Variants in SLC5A8 observed in about 807,000 individuals in gnomAD.
SLC5A8 encodes solute carrier family 5 member 8.
SLC5A8 carries 55 observed loss-of-function variants against 71.9 expected under a neutral mutation model. The ratio of observed to expected loss-of-function variants is 0.77; its 90% confidence interval spans 0.62 to 0.96. The LOEUF (loss-of-function observed/expected upper bound fraction) is 0.96, where lower values mean the gene tolerates loss of function less well. Among genes scored for constraint, SLC5A8 ranks in the 40% least tolerant of loss-of-function variants. SLC5A8 has a pLI of 0.00. For missense variants in SLC5A8, 701 were observed against 745.3 expected (o/e 0.94, Z 0.69); for synonymous variants, 307 against 276.1 (o/e 1.11, Z -1.11).
intron 3 of SLC5A8, among the ~76,000 whole-genome samples, chr12:101,195,689 T>C (rs1453346431): frequency 6.8e-6 from 1 of 146,818 alleles, no homozygotes; most frequent in East Asian, 2.0e-4. Context: ...AAGGTAATGG[T>C]AATTCCTTTT....
chr12:101,192,410 GTT>G (rs34203300), intron 5 of SLC5A8, among the ~76,000 whole-genome samples: 1 of 151,842 alleles, frequency 6.6e-6, no homozygotes, highest in Non-Finnish European at 1.5e-5. Flanking sequence ...TGCAAAATGG[GTT>G]TTTTTTTCTT....
At chr12:101,206,468 G>A (rs1208225654) in intron 1 of SLC5A8, among the ~76,000 whole-genome samples, 14 of 152,210 alleles carry the variant, frequency 9.2e-5, no homozygotes, top group Non-Finnish European at 1.8e-4. Context: ...AAGCAAGTAA[G>A]TTAATCAACT....
At chr12:101,170,182 C>T (rs2051815396) in intron 10 of SLC5A8, among the ~76,000 whole-genome samples, 1 of 152,188 alleles carries the variant, frequency 6.6e-6, no homozygotes, top group South Asian at 2.1e-4. Flanking sequence ...CTGTCCTCTC[C>T]AGGCCCACAG....
Position 101,209,856 on chromosome 12 carries a change from C to T in SLC5A8, c.-8G>A, listed in dbSNP as rs367753463. ...GCCCCGTGGCGTGTCCATGGCCGCA[C>T]GGTCGCCTGAGCCCTGCGCGCAAAC... On this transcript the variant is annotated 5_prime_UTR_variant, in exon 1 of 15. It adds an upstream start codon to the 5' untranslated region. Transcript: ENST00000536262. 1.2e-5 allele frequency: 19 copies of T among 1,528,388 alleles called. No individual in the cohort carries two copies. Among genetic ancestry groups the T allele is most frequent in the Admixed American group, 6.1e-5 (3 of 49,166 alleles). 94.7% of individuals were successfully genotyped at this position (1,528,388 alleles called of 1,614,324 possible).
chr12:101,204,762 A>C, intron 1 of SLC5A8, among the ~76,000 whole-genome samples, 197 bp from the exon 2 acceptor site: 1 of 152,166 alleles, frequency 6.6e-6, no homozygotes. Context: ...AATGGGTTTT[A>C]ACACACACTG....
Position 101,204,525 on chromosome 12 carries a change from C to T in SLC5A8, c.392G>A (p.Gly131Glu), listed in dbSNP as rs746742359. Residue 131 changes from glycine to glutamate, a missense_variant, in exon 2 of 15, where the codon GGA becomes GAA. Coordinates refer to ENST00000536262, the MANE Select transcript of SLC5A8 (RefSeq NM_145913.5). The part of the protein sequence containing the change: ...LRFNKCVRLC[G>E]TVLFIVQTIL... ...TGTTTGAACAATGAAGAGGACTGTT[C>T]CACAGAGACGAACACATTTGTTAAA... 2 of 1,599,838 alleles carry T rather than the reference C, an allele frequency of 1.3e-6. No individual in the cohort carries two copies. Among genetic ancestry groups the T allele is most frequent in the South Asian group, 2.3e-5 (2 of 86,482 alleles).
rs1007615805 is a variant in SLC5A8 at position 101,156,354 on chromosome 12, T to A, written c.*925A>T. 1 of 152,172 alleles carries A rather than the reference T, an allele frequency of 6.6e-6. No homozygotes were observed. Among genetic ancestry groups the A allele is most frequent in the African/African-American group, 2.4e-5 (1 of 41,454 alleles). 9.4% of individuals were successfully genotyped at this position (152,172 alleles called of 1,614,324 possible). ...TAATATTCTTGGATCATCAAGTCCATAAATACCTACATCAAGTATATGTTA... is the reference window on the plus strand; with the variant it reads ...TAATATTCTTGGATCATCAAGTCCAAAAATACCTACATCAAGTATATGTTA... On this transcript the variant is annotated 3_prime_UTR_variant, in exon 15 of 15. Transcript: ENST00000536262.
At chr12:101,181,820 T>C (rs1444821532) in intron 9 of SLC5A8, among the ~76,000 whole-genome samples, 2 of 152,210 alleles carry the variant, frequency 1.3e-5, no homozygotes, top group African/African-American at 4.8e-5. Flanking sequence ...AATAAAATGA[T>C]GCATTGCTAT....
chr12:101,160,801 A>C (rs1196736399), intron 13 of SLC5A8, among the ~76,000 whole-genome samples: 1 of 152,222 alleles, frequency 6.6e-6, no homozygotes, highest in African/African-American at 2.4e-5. Context: ...ACGGAGAGGA[A>C]AAATAAGAGA....
chr12:101,202,217 TAGG>T lies in SLC5A8; in HGVS notation c.418-5_418-3del. On this transcript the variant is annotated splice_polypyrimidine_tract_variant and splice_region_variant and intron_variant, in intron 2 of 14. Coordinates refer to ENST00000536262, the MANE Select transcript of SLC5A8 (RefSeq NM_145913.5). Reference sequence around the variant, plus strand: ...AATAACAATTCCAGTATACAGAATCTAGGGGGGAGAAAGAAAGCCAAATGAATT... The same window carrying T: ...AATAACAATTCCAGTATACAGAATCTGGGGAGAAAGAAAGCCAAATGAATT... The T allele has an allele frequency of 6.4e-7, 1 of 1,572,342 alleles. No homozygotes were observed. The highest frequency in any genetic ancestry group is 1.2e-5 in the South Asian group (1 of 85,666).
chr12:101,179,099 A>G (rs1329991651), intron 10 of SLC5A8, among the ~76,000 whole-genome samples: 1 of 152,208 alleles, frequency 6.6e-6, no homozygotes, highest in Non-Finnish European at 1.5e-5. Flanking sequence ...AATTAACACT[A>G]CAATGAGATA....
intron 10 of SLC5A8, among the ~76,000 whole-genome samples, chr12:101,172,865 A>G (rs1024323418): frequency 7.2e-5 from 11 of 152,104 alleles, no homozygotes; most frequent in Admixed American, 3.3e-4. Context: ...TCTCCTTAAA[A>G]ACATCTGTAA....
At chr12:101,185,269 A>G (rs909649596) in intron 7 of SLC5A8, among the ~76,000 whole-genome samples, 11 of 152,162 alleles carry the variant, frequency 7.2e-5, no homozygotes, top group Non-Finnish European at 1.2e-4. Context: ...TCAAGACCCA[A>G]TTTTTCCAAG....
intron 10 of SLC5A8, among the ~76,000 whole-genome samples, chr12:101,169,762 G>C (rs746783186): frequency 6.6e-6 from 1 of 152,190 alleles, no homozygotes; most frequent in African/African-American, 2.4e-5. Context: ...AGCTAAAGTT[G>C]TTAATGTCTT....
chr12:101,172,088 C>T (rs1593366527), intron 10 of SLC5A8, among the ~76,000 whole-genome samples: 2 of 152,100 alleles, frequency 1.3e-5, no homozygotes, highest in South Asian at 2.1e-4. Flanking sequence ...GATCCAAAAT[C>T]GTGATCTTGA....
At chr12:101,207,048 C>T (rs904401567) in intron 1 of SLC5A8, among the ~76,000 whole-genome samples, 4 of 152,224 alleles carry the variant, frequency 2.6e-5, no homozygotes, top group African/African-American at 4.8e-5. Context: ...CTGTACCTCT[C>T]AGCATAAAAC....
rs781007938 is a variant in SLC5A8, at chr12:101,209,486, C to T, written c.351+12G>A. 3 of 1,544,762 alleles carry T rather than the reference C, an allele frequency of 1.9e-6. No individual in the cohort carries two copies. The highest frequency in any genetic ancestry group is 2.4e-5 in the South Asian group (2 of 82,312). On this transcript the variant is annotated intron_variant, in intron 1 of 14. Coordinates refer to ENST00000536262, the MANE Select transcript of SLC5A8 (RefSeq NM_145913.5). Reference sequence around the variant, plus strand: ...CGCGCCCTGCATGGTCCCAGCCCACCCTGCCCCTTACCTCGTAGGTGCTGG... The same window carrying T: ...CGCGCCCTGCATGGTCCCAGCCCACTCTGCCCCTTACCTCGTAGGTGCTGG...
chr12:101,168,165 A>G lies in SLC5A8; in HGVS notation c.1251T>C (p.Phe417=). The G allele has an allele frequency of 6.2e-7, 1 of 1,607,330 alleles. No individual in the cohort carries two copies. Among genetic ancestry groups the G allele is most frequent in the Non-Finnish European group, 8.5e-7 (1 of 1,176,694 alleles). The change falls in exon 11 of 15, where the codon TTT becomes TTC. Residue 417 remains phenylalanine (F), a synonymous_variant. Coordinates refer to ENST00000536262, the MANE Select transcript of SLC5A8 (RefSeq NM_145913.5). ...CCATAAGTGGTCCACCAACCATACCAAATACGCTGAGTGCTGCCTACAAAA... is the reference window on the plus strand; with the variant it reads ...CCATAAGTGGTCCACCAACCATACCGAATACGCTGAGTGCTGCCTACAAAA... ...GALLQAALSV[F]GMVGGPLMGL...
intron 13 of SLC5A8, among the ~76,000 whole-genome samples, chr12:101,160,807 A>T (rs150992239): frequency 1.2e-3 from 187 of 152,346 alleles, no homozygotes; most frequent in African/African-American, 4.4e-3. Context: ...AGGAAAAATA[A>T]GAGAGAAAAA....
Sources: gnomAD v4.1 joint callset for allele counts (sites outside exome capture counted in the v4.1 genomes callset) on GRCh38, gnomAD v4.1.1 for gene constraint, MANE v1.5 for transcripts, NCBI Gene and HGNC (gene_info 2026-07-23, HGNC 2026-07-21) for gene names.